NCKAP5: variants seen among roughly 807,000 people sequenced by gnomAD.
NCKAP5 encodes NCK associated protein 5.
In NCKAP5, 92 loss-of-function variants were observed where a neutral mutation model predicts 167.0. The observed-to-expected ratio is 0.55, with a 90% CI of 0.47 to 0.66. The LOEUF (loss-of-function observed/expected upper bound fraction) is 0.66. Among genes scored for constraint, NCKAP5 ranks in the 30% least tolerant of loss-of-function variants. The pLI is 0.00. For synonymous variants in NCKAP5, 891 were observed against 877.4 expected (o/e 1.02, Z -0.27); for missense variants, 2,378 against 2,315.0 (o/e 1.03, Z -0.56).
intron 19 of NCKAP5, among the ~76,000 whole-genome samples, chr2:132,713,130 A>G (rs918066153): frequency 1.3e-4 from 20 of 151,652 alleles, no homozygotes; most frequent in African/African-American, 4.6e-4. Flanking sequence ...GCTTTGTTCA[A>G]TGAAAGACTG....
intron 3 of NCKAP5, among the ~76,000 whole-genome samples, chr2:133,483,182 G>A (rs1160187181): frequency 6.6e-6 from 1 of 151,982 alleles, no homozygotes; most frequent in Non-Finnish European, 1.5e-5. Context: ...GTATATCCCT[G>A]AAAAGTGGCC....
the NCKAP5 span, among the ~76,000 whole-genome samples, chr2:133,584,783 A>G: frequency 6.6e-6 from 1 of 152,060 alleles, no homozygotes; most frequent in East Asian, 1.9e-4. Context: ...AATAAAATTA[A>G]GGCAGGGAAT....
intron 6 of NCKAP5, 99 bp from the exon 7 acceptor site, chr2:132,994,338 G>T: frequency 1.3e-6 from 1 of 782,916 alleles, no homozygotes; most frequent in Non-Finnish European, 2.0e-6. Context: ...TATTTCCCAA[G>T]CTTCAACCTG....
At chr2:133,512,176 A>G (rs1250632847) in intron 3 of NCKAP5, among the ~76,000 whole-genome samples, 1 of 152,200 alleles carries the variant, frequency 6.6e-6, no homozygotes, top group Non-Finnish European at 1.5e-5. Flanking sequence ...CATTTAGAAA[A>G]AGTATCCGCA....
intron 16 of NCKAP5, among the ~76,000 whole-genome samples, chr2:132,770,379 TTATATATTATAAATTG>T (rs1449454781): frequency 2.0e-5 from 3 of 148,114 alleles, no homozygotes; most frequent in Non-Finnish European, 4.5e-5. Context: ...ATTGTATATA[TTATATATTATAAATTG>T]TATATATTAT....
chr2:132,743,775 A>T (rs1357316016), intron 16 of NCKAP5, among the ~76,000 whole-genome samples: 1 of 151,704 alleles, frequency 6.6e-6, no homozygotes, highest in Non-Finnish European at 1.5e-5. Flanking sequence ...TATACAAAAT[A>T]TACCTATTTA....
chr2:133,000,855 T>C (rs2077753074), intron 6 of NCKAP5, among the ~76,000 whole-genome samples: 1 of 152,182 alleles, frequency 6.6e-6, no homozygotes, highest in Admixed American at 6.5e-5. Flanking sequence ...CAAACTATGC[T>C]AAGTTAAAGA....
chr2:133,256,399 A>C (rs573092296), intron 4 of NCKAP5, among the ~76,000 whole-genome samples: 80 of 152,264 alleles, frequency 5.3e-4, no homozygotes, highest in Admixed American at 1.5e-3. Context: ...ATTATGGCTC[A>C]TTTGGCATAT....
At position 132,993,628 on chromosome 2, in the gene NCKAP5, A is replaced by G. The variant is rs573840674; in HGVS notation, c.429+524T>C. Among the ~76,000 whole-genome samples the G allele has an allele frequency of 5.3e-5, 8 of 152,256 alleles. No homozygotes were observed. In the East Asian group the frequency reaches 9.7e-4, roughly 18 times the overall value. ...TGTAACTTTTTATTTCCAGGACATT[A>G]CTTAATTATCTGGAGATGCTTATTC... On this transcript the variant is annotated intron_variant, in intron 7 of 19. Coordinates refer to ENST00000409261, the MANE Select transcript of NCKAP5 (RefSeq NM_207363.3).
intron 8 of NCKAP5, among the ~76,000 whole-genome samples, chr2:132,955,913 G>GATGA (rs1212451395): frequency 1.4e-4 from 22 of 152,256 alleles, no homozygotes; most frequent in African/African-American, 5.1e-4. Flanking sequence ...GATCAGTGAT[G>GATGA]GTGAGCTTTT....
At chr2:132,829,599 T>C (rs1008279543) in intron 11 of NCKAP5, among the ~76,000 whole-genome samples, 1 of 152,200 alleles carries the variant, frequency 6.6e-6, no homozygotes, top group African/African-American at 2.4e-5. Context: ...TATGACCCTT[T>C]ACAGAAATAA....
At chr2:132,827,559 C>T (rs1409147220) in intron 11 of NCKAP5, among the ~76,000 whole-genome samples, 1 of 152,140 alleles carries the variant, frequency 6.6e-6, no homozygotes, top group Non-Finnish European at 1.5e-5. Context: ...CGCAACTTCC[C>T]TATGGGGTGG....
At chr2:133,176,250 C>T (rs79617273) in intron 5 of NCKAP5, among the ~76,000 whole-genome samples, 8,838 of 152,232 alleles carry the variant, frequency 0.058, 297 homozygotes, top group African/African-American at 0.087. Context: ...ACCCATGTTG[C>T]CATGAAAAGC....
chr2:133,517,828 T>C (rs931386210), intron 2 of NCKAP5, among the ~76,000 whole-genome samples: 2 of 152,162 alleles, frequency 1.3e-5, no homozygotes, highest in Admixed American at 1.3e-4. Flanking sequence ...GGTTTGCAGG[T>C]TGAATCAGCA....
chr2:133,027,667 G>C (rs76823195), intron 6 of NCKAP5, among the ~76,000 whole-genome samples: 20,322 of 152,156 alleles, frequency 0.13, 1,707 homozygotes, highest in South Asian at 0.18. Context: ...GTTCCTTCCA[G>C]TTTGAAACTT....
chr2:133,141,421 A>C (rs2082993198), intron 5 of NCKAP5, among the ~76,000 whole-genome samples: 2 of 152,056 alleles, frequency 1.3e-5, no homozygotes, highest in South Asian at 4.1e-4. Flanking sequence ...AAAAAAAAAA[A>C]ACACAACTCT....
In NCKAP5 at chr2:132,783,441, G is replaced by A; in HGVS notation, c.3370C>T (p.Pro1124Ser). 6.3e-7 allele frequency: 1 copy of A among 1,586,348 alleles called. No individual in the cohort carries two copies. Among genetic ancestry groups the A allele is most frequent in the Non-Finnish European group, 8.6e-7 (1 of 1,166,448 alleles). The change falls in exon 14 of 20, where the codon CCC becomes TCC. Residue 1124 changes from proline (P) to serine (S), a missense_variant. Physicochemically the swap from Pro to Ser is moderately conservative, Grantham distance 74. This residue lies in a region of NCKAP5 where 1,325 missense variants were observed against 1,274.5 expected (regional missense o/e 1.04). Transcript: ENST00000409261. ...QVSSSSSSSS[P>S]AKSHNSPHGC... ...TGAGGGCTGTTATGGCTTTTGGCGG[G>A]TGATGAGGATGATGAGGAACTGCTG...
rs540939916 is a variant in NCKAP5, at chr2:133,225,432, G to C, written c.144-11653C>G. Reference sequence around the variant, plus strand: ...CAACATAGTATCTGTGAGGAGGCTTGAGCCATTTATCTAGGCTCAGAAAAA... The same window carrying C: ...CAACATAGTATCTGTGAGGAGGCTTCAGCCATTTATCTAGGCTCAGAAAAA... On this transcript the variant is annotated intron_variant, in intron 4 of 19. Transcript: ENST00000409261. Among the ~76,000 whole-genome samples, 5 of 152,296 alleles carry C rather than the reference G, an allele frequency of 3.3e-5. No individual in the cohort carries two copies. The East Asian group carries it at 5.8e-4, about 18-fold the overall frequency.
Position 132,843,244 on chromosome 2 carries a change from G to T in NCKAP5, c.807+17248C>A, listed in dbSNP as rs540500044. Among the ~76,000 whole-genome samples, 381 of 152,026 alleles carry T rather than the reference G, an allele frequency of 2.5e-3. 1 individual carries two copies. Among genetic ancestry groups the T allele is most frequent in the Non-Finnish European group, 4.3e-3 (295 of 67,954 alleles). ...GTGATTGTATTCTTTATATCTTTAC[G>T]TTCCTATTATTTATCAGAATTGCTC... On this transcript the variant is annotated intron_variant, in intron 11 of 19. Transcript: ENST00000409261.
Sources: allele counts gnomAD v4.1 joint callset (sites outside exome capture counted in the v4.1 genomes callset), GRCh38; gene constraint gnomAD v4.1.1; regional missense constraint gnomAD v4.1.1; transcripts MANE v1.5; gene names NCBI Gene and HGNC (gene_info 2026-07-23, HGNC 2026-07-21).